The following SCMH1 variants were observed in gnomAD, a reference collection of about 807,000 sequenced individuals.
The protein encoded by SCMH1 is polycomb protein SCMH1.
SCMH1 carries 37 observed loss-of-function variants against 70.8 expected under a neutral mutation model. The ratio of observed to expected loss-of-function variants is 0.52; its 90% CI spans 0.40 to 0.69. The LOEUF (loss-of-function observed/expected upper bound fraction) is 0.69, where lower values mean the gene tolerates loss of function less well. Ranked by LOEUF, SCMH1 falls within the 30% of genes least tolerant of loss-of-function variation. SCMH1 has a pLI of 0.00. For missense variants in SCMH1, 607 were observed against 827.3 expected, an observed-to-expected ratio of 0.73 and a Z score of 3.27; for synonymous variants, 292 against 307.4, an observed-to-expected ratio of 0.95 and a Z score of 0.52.
At chr1:41,155,169 T>C (rs576010900) in intron 4 of SCMH1, among the ~76,000 whole-genome samples, 1 of 152,170 alleles carries the variant, frequency 6.6e-6, no homozygotes, top group Non-Finnish European at 1.5e-5. Flanking sequence ...TACCACGTGA[T>C]AGTTACATTT....
intron 10 of SCMH1, among the ~76,000 whole-genome samples, chr1:41,058,997 G>A (rs4660500): frequency 0.85 from 129,398 of 152,168 alleles, 55,518 homozygotes; most frequent in East Asian, 0.97. Flanking sequence ...GGAGACCATC[G>A]AAGAGTTTAC....
intron 8 of SCMH1, among the ~76,000 whole-genome samples, chr1:41,096,911 T>C (rs1423104815): frequency 6.6e-6 from 1 of 152,194 alleles, no homozygotes; most frequent in African/African-American, 2.4e-5. Flanking sequence ...ATTACACACA[T>C]TAGCAGCAAT....
intron 4 of SCMH1, 51 bp downstream of exon 4, chr1:41,160,824 C>G (rs1011110943): frequency 2.7e-6 from 4 of 1,508,488 alleles, no homozygotes; most frequent in Admixed American, 3.9e-5. Flanking sequence ...AATCTAATCC[C>G]TGGTTTACCA....
At chr1:41,097,112 T>TA (rs1665292524) in intron 8 of SCMH1, among the ~76,000 whole-genome samples, 2 of 152,202 alleles carry the variant, frequency 1.3e-5, no homozygotes, top group Admixed American at 1.3e-4. Flanking sequence ...GAAATCAAGT[T>TA]AGTTTGTCAG....
Position 41,181,169 on chromosome 1 carries a change from C to G in SCMH1, c.13+4952G>C, listed in dbSNP as rs1034665236. Reference sequence around the variant, plus strand: ...TATGTAGAAAGCTGAAACTGGATCCCTTCCTTACACCTTATACAAAAATTA... The same window carrying G: ...TATGTAGAAAGCTGAAACTGGATCCGTTCCTTACACCTTATACAAAAATTA... On this transcript the variant is annotated intron_variant, in intron 2 of 14. Coordinates refer to ENST00000337495, the Ensembl canonical transcript of SCMH1. Among the ~76,000 whole-genome samples, 33 of 152,240 alleles carry G rather than the reference C, an allele frequency of 2.2e-4. 2 individuals carry two copies. The highest frequency in any genetic ancestry group is 7.2e-4 in the African/African-American group (30 of 41,540).
intron 2 of SCMH1, among the ~76,000 whole-genome samples, chr1:41,168,503 A>G (rs576613827): frequency 1.3e-3 from 190 of 151,628 alleles, no homozygotes; most frequent in Admixed American, 3.2e-3. Flanking sequence ...TATACTTTCT[A>G]TCTCTTTGTC....
At chr1:41,115,110 A>C (rs913935492) in intron 7 of SCMH1, among the ~76,000 whole-genome samples, 1 of 152,216 alleles carries the variant, frequency 6.6e-6, no homozygotes. Flanking sequence ...CATTTAAAAA[A>C]TTTATTTTCA....
chr1:41,123,099 T>C (rs1484495174), intron 6 of SCMH1, among the ~76,000 whole-genome samples: 4 of 152,154 alleles, frequency 2.6e-5, no homozygotes, highest in Non-Finnish European at 4.4e-5. Flanking sequence ...TGTGTGCTTG[T>C]AGTCCCAGCT....
intron 8 of SCMH1, among the ~76,000 whole-genome samples, chr1:41,110,576 A>G (rs1019234194): frequency 6.6e-6 from 1 of 152,212 alleles, no homozygotes; most frequent in Admixed American, 6.5e-5. Context: ...TTCATTTAGC[A>G]TAATGTTATT....
chr1:41,161,576 G>A, intron 2 of SCMH1, 144 bp from the exon 3 acceptor site: 1 of 919,572 alleles, frequency 1.1e-6, no homozygotes, highest in South Asian at 2.8e-5. Context: ...CAAAATACAA[G>A]AAAAAGGTTT....
intron 1 of SCMH1, among the ~76,000 whole-genome samples, chr1:41,230,132 T>C (rs184038797): frequency 5.4e-4 from 82 of 152,272 alleles, no homozygotes; most frequent in African/African-American, 2.0e-3. Flanking sequence ...GGAAAGCCAC[T>C]GAAGGATTTT....
At chr1:41,079,600 C>T (rs1167898828) in intron 8 of SCMH1, among the ~76,000 whole-genome samples, 1 of 152,104 alleles carries the variant, frequency 6.6e-6, no homozygotes, top group African/African-American at 2.4e-5. Flanking sequence ...GGGTAGAGAA[C>T]AGGACAGTAT....
chr1:41,099,422 C>T (rs1305527225), intron 8 of SCMH1, among the ~76,000 whole-genome samples: 1 of 152,186 alleles, frequency 6.6e-6, no homozygotes, highest in East Asian at 1.9e-4. Context: ...TCATATGAGA[C>T]TTACACTTCA....
chr1:41,111,513 G>C (rs764142374), intron 8 of SCMH1, among the ~76,000 whole-genome samples: 1 of 152,174 alleles, frequency 6.6e-6, no homozygotes, highest in Admixed American at 6.5e-5. Context: ...GCTAATTTTT[G>C]TATTTTTAGT....
intron 12 of SCMH1, among the ~76,000 whole-genome samples, chr1:41,042,720 C>T (rs765681221): frequency 6.6e-6 from 1 of 152,188 alleles, no homozygotes; most frequent in African/African-American, 2.4e-5. Context: ...GCTCTGCTTT[C>T]ACCACATACA....
chr1:41,241,550 G>C (rs1362672149), intron 1 of SCMH1, among the ~76,000 whole-genome samples: 2 of 152,128 alleles, frequency 1.3e-5, no homozygotes, highest in Non-Finnish European at 2.9e-5. Context: ...TCCCCGAACC[G>C]GGACCCGGCC....
intron 2 of SCMH1, among the ~76,000 whole-genome samples, chr1:41,168,523 A>C (rs1246512737): frequency 6.6e-6 from 1 of 150,978 alleles, no homozygotes; most frequent in Non-Finnish European, 1.5e-5. Flanking sequence ...CAAAGTTCTT[A>C]GTTTGTTATT....
chr1:41,066,925 C>G (rs958979954), intron 10 of SCMH1, among the ~76,000 whole-genome samples: 9 of 152,126 alleles, frequency 5.9e-5, no homozygotes, highest in African/African-American at 2.2e-4. Flanking sequence ...TGGTTTCTTG[C>G]AAAACAAAAC....
In SCMH1 at chr1:41,237,715, T is replaced by C. The variant is rs528497592; in HGVS notation, c.-118+4344A>G. 6.6e-5 allele frequency among the ~76,000 whole-genome samples: 10 copies of C among 152,346 alleles called. No individual in the cohort carries two copies. The East Asian group carries it at 1.2e-3, about 18-fold the overall frequency. On this transcript the variant is annotated intron_variant, in intron 1 of 14. Transcript: ENST00000337495. The stretch of plus-strand genomic sequence containing the variant: ...ATATCTACCTAAATTATTTACTCTA[T>C]TGAAATTTGTTCATGGCCCAAGTAA...
Sources: allele counts gnomAD v4.1 joint callset (sites outside exome capture counted in the v4.1 genomes callset), GRCh38; gene constraint gnomAD v4.1.1; transcripts MANE v1.5; gene names NCBI Gene and HGNC (gene_info 2026-07-23, HGNC 2026-07-21).